The following DEPDC5 variants were observed in gnomAD, a reference collection of about 807,000 sequenced individuals.
DEPDC5 encodes the protein GATOR1 complex protein DEPDC5.
In DEPDC5, 73 loss-of-function variants were observed where a neutral mutation model predicts 217.3. That is an observed-to-expected ratio of 0.34 (90% CI 0.28 to 0.41). The LOEUF is 0.41. Among genes scored for constraint, DEPDC5 ranks in the 10% least tolerant of loss-of-function variants. The probability of loss-of-function intolerance (pLI) is 1.00; values close to 1 mark genes in which losing one functional copy is unlikely to be tolerated. For missense variants in DEPDC5, 1,675 were observed against 2,070.1 expected (o/e 0.81, Z 3.70); for synonymous variants, 733 against 756.7 (o/e 0.97, Z 0.51).
chr22:31,824,923 C>A (rs996371485), intron 24 of DEPDC5, among the ~76,000 whole-genome samples: 3 of 151,152 alleles, frequency 2.0e-5, no homozygotes. Flanking sequence ...TTGCAGTGAG[C>A]CGAGATCGTG....
At chr22:31,874,540 C>A (rs545006110) in intron 36 of DEPDC5, 135 bp downstream of exon 36, 4 of 1,088,792 alleles carry the variant, frequency 3.7e-6, no homozygotes, top group Non-Finnish European at 5.1e-6. Flanking sequence ...AAGTGGGAGG[C>A]CTTTCTGGAA....
rs60763478 is a variant in DEPDC5 at position 31,872,133 on chromosome 22, G to A, written c.3486-1122G>A. ...AGCTTCTGGATAAGCCCCACAGCTG[G>A]CCCAGTTCGGTATAGTGGGTGGCCA... On this transcript the variant is annotated intron_variant, in intron 34 of 42. Coordinates refer to ENST00000651528, the MANE Select transcript of DEPDC5 (RefSeq NM_001242896.3). 8.7e-3 allele frequency among the ~76,000 whole-genome samples: 1,321 copies of A among 152,290 alleles called. 16 individuals are homozygous for A. The highest frequency in any genetic ancestry group is 0.03 in the African/African-American group (1,240 of 41,556).
chr22:31,830,511 T>C (rs1812200586), intron 24 of DEPDC5, among the ~76,000 whole-genome samples: 1 of 152,198 alleles, frequency 6.6e-6, no homozygotes, highest in African/African-American at 2.4e-5. Flanking sequence ...TGTGTTGGGC[T>C]TGAATTACAA....
rs770400266 is a variant in DEPDC5, at chr22:31,845,248, C to T, written c.3021+11C>T. 1 of 1,610,536 alleles carries T rather than the reference C, an allele frequency of 6.2e-7. No homozygotes were observed. The highest frequency in any genetic ancestry group is 2.2e-5 in the East Asian group (1 of 44,636). On this transcript the variant is annotated intron_variant, in intron 30 of 42. Coordinates refer to ENST00000651528, the MANE Select transcript of DEPDC5 (RefSeq NM_001242896.3). ...GATCGCATGATGCGGGTAAGGGCTC[C>T]TTAGACTCAGGGAGTGCGCCTGGTG...
intron 13 of DEPDC5, 31 bp downstream of exon 13, chr22:31,797,734 G>A (rs376467811): frequency 1.5e-5 from 24 of 1,553,784 alleles, no homozygotes; most frequent in African/African-American, 9.5e-5. Context: ...ATGGTGCGGC[G>A]GGGAAAGGAA....
chr22:31,840,214 A>G (rs1256625109), intron 27 of DEPDC5, among the ~76,000 whole-genome samples: 1 of 152,132 alleles, frequency 6.6e-6, no homozygotes, highest in Non-Finnish European at 1.5e-5. Context: ...AGCTTCCCTG[A>G]GGAGATGAGG....
intron 27 of DEPDC5, 48 bp from the exon 28 acceptor site, chr22:31,843,047 T>C (rs557851346): frequency 6.4e-6 from 9 of 1,399,894 alleles, no homozygotes; most frequent in African/African-American, 2.8e-5. Context: ...TTGTCTGTTA[T>C]AGGAATGAGC....
At position 31,901,814 on chromosome 22, in the gene DEPDC5, A is replaced by C. The variant is rs374520772; in HGVS notation, c.4436+12A>C. The stretch of plus-strand genomic sequence containing the variant: ...GCCATTGCACACAGGTTTGTCCCTT[A>C]GCAAGTGTGAAGAGTGGGAAGGAAA... On this transcript the variant is annotated intron_variant, in intron 41 of 42. Coordinates refer to ENST00000651528, the MANE Select transcript of DEPDC5 (RefSeq NM_001242896.3). 1.9e-6 allele frequency: 3 copies of C among 1,612,106 alleles called. No individual in the cohort carries two copies. In the African/African-American group the frequency reaches 4.0e-5, roughly 22 times the overall value.
At chr22:31,821,664 G>A (rs770320350) in intron 23 of DEPDC5, 27 bp downstream of exon 23, 2 of 1,604,390 alleles carry the variant, frequency 1.2e-6, no homozygotes, top group Admixed American at 3.3e-5. Context: ...GGCTCTGGAA[G>A]GTAACCTGAG....
intron 31 of DEPDC5, among the ~76,000 whole-genome samples, chr22:31,850,938 C>T (rs5998142): frequency 1.3e-5 from 2 of 151,840 alleles, no homozygotes; most frequent in South Asian, 2.1e-4. Flanking sequence ...CATGGTGGCA[C>T]GTACCTGTAG....
intron 3 of DEPDC5, 78 bp from the exon 4 acceptor site, chr22:31,760,578 T>C: frequency 6.2e-6 from 8 of 1,284,218 alleles, no homozygotes; most frequent in Non-Finnish European, 7.8e-6. Context: ...GTGACCTATT[T>C]GCCTTTTGTC....
chr22:31,849,760 G>A (rs2091927239), intron 31 of DEPDC5, among the ~76,000 whole-genome samples: 1 of 151,528 alleles, frequency 6.6e-6, no homozygotes, highest in South Asian at 2.1e-4. Flanking sequence ...CAGCCTGGGT[G>A]ACAGAGCAAG....
chr22:31,897,091 T>A (rs2093566613), intron 39 of DEPDC5, among the ~76,000 whole-genome samples: 1 of 151,464 alleles, frequency 6.6e-6, no homozygotes, highest in African/African-American at 2.4e-5. Flanking sequence ...TACTCCAGCC[T>A]GGGCAACAGA....
intron 2 of DEPDC5, among the ~76,000 whole-genome samples, chr22:31,756,066 G>A (rs1426651703): frequency 1.5e-5 from 2 of 137,352 alleles, no homozygotes; most frequent in East Asian, 2.1e-4. Flanking sequence ...TTGTATTTTA[G>A]TAGAGAGGGT....
intron 27 of DEPDC5, among the ~76,000 whole-genome samples, chr22:31,842,124 T>G (rs766296505): frequency 6.6e-6 from 1 of 152,244 alleles, no homozygotes; most frequent in Non-Finnish European, 1.5e-5. Flanking sequence ...GAAGTTTTAA[T>G]TTGTAAGGGG....
chr22:31,803,676 G>A (rs548355874), intron 15 of DEPDC5, among the ~76,000 whole-genome samples: 2 of 152,050 alleles, frequency 1.3e-5, no homozygotes, highest in Non-Finnish European at 2.9e-5. Flanking sequence ...AACCCAGAAG[G>A]TGGAGGTTGC....
chr22:31,895,694 G>GTT (rs928025693), intron 39 of DEPDC5, among the ~76,000 whole-genome samples: 2 of 145,626 alleles, frequency 1.4e-5, no homozygotes, highest in African/African-American at 5.0e-5. Flanking sequence ...GAGCCAGCAG[G>GTT]TTTTTTTTTT....
chr22:31,797,496 C>T (rs1199176817), intron 12 of DEPDC5, 104 bp from the exon 13 acceptor site: 17 of 898,900 alleles, frequency 1.9e-5, no homozygotes, highest in Non-Finnish European at 3.1e-5. Context: ...CAGGTTCCTC[C>T]CTCGACACAT....
chr22:31,906,623 G>A lies in DEPDC5; in HGVS notation c.*126G>A, dbSNP rs1047779831. Reference sequence around the variant, plus strand: ...CTGCTATCAGTGAGTGGGGGCCATTGTTTTTTGTTTGTTTGTTTGTTTGTT... The same window carrying A: ...CTGCTATCAGTGAGTGGGGGCCATTATTTTTTGTTTGTTTGTTTGTTTGTT... On this transcript the variant is annotated 3_prime_UTR_variant, in exon 43 of 43. Coordinates refer to ENST00000651528, the MANE Select transcript of DEPDC5 (RefSeq NM_001242896.3). The surrounding 1 kb of genome is among the most constrained non-coding windows in gnomAD (Gnocchi z 5.1). The A allele has an allele frequency of 2.2e-5, 27 of 1,231,718 alleles. No individual in the cohort carries two copies. The highest frequency in any genetic ancestry group is 3.0e-5 in the Non-Finnish European group (27 of 886,648). 76.3% of individuals were successfully genotyped at this position (1,231,718 alleles called of 1,614,324 possible).
Sources: allele counts gnomAD v4.1 joint callset (sites outside exome capture counted in the v4.1 genomes callset), GRCh38; gene constraint gnomAD v4.1.1; non-coding constraint Gnocchi (gnomAD v3.1); transcripts MANE v1.5; gene names NCBI Gene and HGNC (gene_info 2026-07-23, HGNC 2026-07-21).